Variants in LAMA4 observed in about 807,000 individuals in gnomAD.
LAMA4 encodes the protein laminin subunit alpha 4, also known as laminin subunit alpha-4.
LAMA4 carries 127 observed loss-of-function variants against 207.1 expected under a neutral mutation model. That is an observed-to-expected ratio of 0.61 (90% CI 0.53 to 0.71). The LOEUF (loss-of-function observed/expected upper bound fraction) is 0.71, where lower values mean the gene tolerates loss of function less well. LAMA4 is among the 30% of genes least tolerant of loss of function. The pLI is 0.00. For missense variants in LAMA4, 2,093 were observed against 2,246.5 expected (o/e 0.93, Z 1.38); for synonymous variants, 761 against 816.0 (o/e 0.93, Z 1.15).
chr6:112,222,174 C>T lies in LAMA4; in HGVS notation c.196-5705G>A, dbSNP rs1042726662. Among the ~76,000 whole-genome samples the T allele has an allele frequency of 4.6e-5, 7 of 152,186 alleles. No homozygotes were observed. In the East Asian group the frequency reaches 7.7e-4, roughly 17 times the overall value. On this transcript the variant is annotated intron_variant, in intron 2 of 38. Transcript: ENST00000230538. ...ACTTGAATCTGAAGACAATTACTCA[C>T]GCATCCTCCCTTGGGTATCTCTAAG...
chr6:112,223,597 T>C (rs1160116955), intron 2 of LAMA4, among the ~76,000 whole-genome samples: 1 of 152,320 alleles, frequency 6.6e-6, no homozygotes, highest in East Asian at 1.9e-4. Flanking sequence ...TGACAACAGC[T>C]TCTCTTCAGT....
At chr6:112,149,876 T>C (rs1203405373) in intron 17 of LAMA4, among the ~76,000 whole-genome samples, 6 of 152,172 alleles carry the variant, frequency 3.9e-5, no homozygotes, top group Non-Finnish European at 8.8e-5. Context: ...AAAACACCCA[T>C]ATGCTGCACT....
In LAMA4 at chr6:112,118,054, C is replaced by G. The variant is rs73541498; in HGVS notation, c.4822-156G>C. On this transcript the variant is annotated intron_variant, in intron 34 of 38. Coordinates refer to ENST00000230538, the MANE Select transcript of LAMA4 (RefSeq NM_001105206.3). This position sits in a 1 kb window ranked among gnomAD's most constrained non-coding sequence, Gnocchi z 4.6. ...TGATCAGTACTTTCCTGGATAGTTG[C>G]TTTCTAACTGGTTGTTTGAAGCTGG... is the stretch of plus-strand genomic sequence containing the variant. Among the ~76,000 whole-genome samples the G allele has an allele frequency of 0.053, 8,031 of 152,250 alleles. 691 individuals carry two copies. The highest frequency in any genetic ancestry group is 0.18 in the African/African-American group (7,556 of 41,510).
intron 5 of LAMA4, among the ~76,000 whole-genome samples, chr6:112,193,001 T>C (rs563206027): frequency 6.6e-6 from 1 of 152,354 alleles, no homozygotes; most frequent in East Asian, 1.9e-4. Context: ...GTAAGAGTAC[T>C]GTACAAGTCA....
At chr6:112,164,993 T>C (rs1469737519) in intron 13 of LAMA4, among the ~76,000 whole-genome samples, 167 bp downstream of exon 13, 1 of 152,244 alleles carries the variant, frequency 6.6e-6, no homozygotes, top group East Asian at 1.9e-4. Context: ...AGTAGTCATA[T>C]GTGGCTGGTG....
At chr6:112,130,293 A>T in intron 29 of LAMA4, 1 of 469,920 alleles carries the variant, frequency 2.1e-6, no homozygotes, top group Non-Finnish European at 3.8e-6. Context: ...AGTCATCAGC[A>T]TTATTTTTGT....
Position 112,133,392 on chromosome 6 carries a change from G to A in LAMA4, c.3653C>T (p.Thr1218Ile). 6.2e-7 allele frequency: 1 copy of A among 1,613,790 alleles called. No homozygotes were observed. The highest frequency in any genetic ancestry group is 1.1e-5 in the South Asian group (1 of 91,072). The change falls in exon 27 of 39, where the codon ACA (threonine) becomes ATA (isoleucine). Residue 1218 changes from threonine to isoleucine, a missense_variant. Transcript: ENST00000230538. ...TCCATAACCAACTCCCAGGGTTTCT[G>A]TCTGCTCCAGTAAATTGAAGTCCTT... ...QKKDFNLLEQ[T>I]ETLGVGYGCP...
chr6:112,132,797 G>A lies in LAMA4; in HGVS notation c.3790C>T (p.Arg1264Ter), dbSNP rs1424524225. Residue 1264 changes from arginine (R) to a stop codon, truncating the protein, a stop_gained, in exon 28 of 39, where the codon CGA (arginine) becomes TGA (stop). Coordinates refer to ENST00000230538, the MANE Select transcript of LAMA4 (RefSeq NM_001105206.3). LOFTEE classifies it high-confidence loss of function. ...FDGFEGGFNFRTLQPNGLLFY... is the reference protein window; with the variant it reads ...FDGFEGGFNF ...AGTAACCCATTTGGTTGTAATGTTC[G>A]GAAATTAAAACCTCCTTCAAAGCCA... 7 of 1,612,832 alleles carry A rather than the reference G, an allele frequency of 4.3e-6. No homozygotes were observed. Among genetic ancestry groups the A allele is most frequent in the East Asian group, 2.2e-5 (1 of 44,836 alleles).
chr6:112,249,513 A>G lies in LAMA4; in HGVS notation c.195+4443T>C, dbSNP rs186367168. Among the ~76,000 whole-genome samples, 369 of 149,736 alleles carry G rather than the reference A, an allele frequency of 2.5e-3. 3 individuals are homozygous for G. Among genetic ancestry groups the G allele is most frequent in the African/African-American group, 7.7e-3 (312 of 40,692 alleles). The stretch of plus-strand genomic sequence containing the variant: ...TAGAAGTATTCCTATATATATTTCT[A>G]TTTACCTAATCACCTCTTCCTAGCT... On this transcript the variant is annotated intron_variant, in intron 2 of 38. Transcript: ENST00000230538.
intron 9 of LAMA4, chr6:112,179,847 C>T: frequency 1.9e-6 from 1 of 517,722 alleles, no homozygotes; most frequent in Admixed American, 2.0e-5. Context: ...GCAATGTGGT[C>T]ATCAGTCCCT....
chr6:112,133,152 A>G, intron 27 of LAMA4, among the ~76,000 whole-genome samples, 197 bp downstream of exon 27: 1 of 152,126 alleles, frequency 6.6e-6, no homozygotes, highest in Admixed American at 6.6e-5. Context: ...CCCATGGAAA[A>G]CTGAAGCAAA....
intron 38 of LAMA4, among the ~76,000 whole-genome samples, chr6:112,112,974 G>A (rs1583622934): frequency 6.6e-6 from 1 of 152,152 alleles, no homozygotes; most frequent in Admixed American, 6.5e-5. Flanking sequence ...TAAATCTCAT[G>A]GAGAGAGGTA....
intron 9 of LAMA4, chr6:112,179,745 A>G (rs371920975): frequency 3.0e-5 from 8 of 268,628 alleles, no homozygotes; most frequent in African/African-American, 1.8e-4. Context: ...TGGTATTATA[A>G]CAAACACATG....
Position 112,187,562 on chromosome 6 carries a change from C to A in LAMA4, c.854G>T (p.Arg285Leu). The stretch of plus-strand genomic sequence containing the variant: ...TTCCTCGATGGAGAGCGCTGCTAAC[C>A]GCAGGTCATCAGTCAGGTCCCAGAC... ...KCVWDLTDDL[R>L]LAALSIEEGK... Residue 285 changes from arginine to leucine, a missense_variant, in exon 8 of 39, where the codon CGG (arginine) becomes CTG (leucine). Arg to Leu is a moderately radical substitution (Grantham distance 102). This residue lies in a region of LAMA4 where 1,704 missense variants were observed against 1,788.4 expected (regional missense o/e 0.95). Coordinates refer to ENST00000230538, the MANE Select transcript of LAMA4 (RefSeq NM_001105206.3). The A allele has an allele frequency of 6.2e-7, 1 of 1,614,046 alleles. No individual in the cohort carries two copies. Among genetic ancestry groups the A allele is most frequent in the Non-Finnish European group, 8.5e-7 (1 of 1,179,968 alleles).
intron 2 of LAMA4, among the ~76,000 whole-genome samples, chr6:112,223,934 T>C (rs936672720): frequency 6.6e-6 from 1 of 152,248 alleles, no homozygotes; most frequent in East Asian, 1.9e-4. Context: ...GGAAATCTCA[T>C]ACTGTCTTTT....
At chr6:112,214,917 G>T (rs1247532250) in intron 3 of LAMA4, among the ~76,000 whole-genome samples, 2 of 152,222 alleles carry the variant, frequency 1.3e-5, no homozygotes, top group African/African-American at 4.8e-5. Flanking sequence ...ACTCTAGCAG[G>T]AGGGACTTCT....
chr6:112,122,169 A>T lies in LAMA4; in HGVS notation c.4320T>A (p.Asp1440Glu), dbSNP rs1366384304. 1.2e-6 allele frequency: 2 copies of T among 1,613,750 alleles called. No individual in the cohort carries two copies. The highest frequency in any genetic ancestry group is 2.7e-5 in the African/African-American group (2 of 74,900). ...GCTCTGGGAGTTTCAGAGCAACAGG[A>T]TCCCATGAAGGTGCATCTTTACTTT... Reference protein sequence around the residue: ...GGKSKDAPSWDPVALKLPERN... With the variant: ...GGKSKDAPSWEPVALKLPERN... The change falls in exon 32 of 39, where the codon GAT (aspartate) becomes GAA (glutamate). Residue 1440 changes from aspartate to glutamate, a missense_variant. Transcript: ENST00000230538.
rs139059995 is a variant in LAMA4 at position 112,142,381 on chromosome 6, A to C, written c.2494-89T>G. 1.8e-4 allele frequency: 210 copies of C among 1,187,604 alleles called. No individual in the cohort carries two copies. The African/African-American group carries it at 2.9e-3, about 16-fold the overall frequency. The allele number at this position is 1,187,604 out of a possible 1,614,324, so 73.6% of individuals were successfully genotyped here. Reference sequence around the variant, plus strand: ...CTTCCCTCATTCGTGACAGGGGCCTATAAACTCTCTTCACCTCCATACCTG... The same window carrying C: ...CTTCCCTCATTCGTGACAGGGGCCTCTAAACTCTCTTCACCTCCATACCTG... On this transcript the variant is annotated intron_variant, in intron 19 of 38. Transcript: ENST00000230538.
In LAMA4 at chr6:112,109,203, A is replaced by G. The variant is rs992882163; in HGVS notation, c.*234T>C. On this transcript the variant is annotated 3_prime_UTR_variant, in exon 39 of 39. Transcript: ENST00000230538. The stretch of plus-strand genomic sequence containing the variant: ...CCAGTAGGAATTGCGTGTGCTCTCA[A>G]TACAAGTAAGTTTGCCACTCCTTCA... 1 of 561,946 alleles carries G rather than the reference A, an allele frequency of 1.8e-6. No individual in the cohort carries two copies. Among genetic ancestry groups the G allele is most frequent in the Admixed American group, 3.0e-5 (1 of 33,256 alleles). The allele number at this position is 561,946 out of a possible 1,614,324, so 34.8% of individuals were successfully genotyped here.
Sources: allele counts gnomAD v4.1 joint callset (sites outside exome capture counted in the v4.1 genomes callset), GRCh38; gene constraint gnomAD v4.1.1; regional missense constraint gnomAD v4.1.1; non-coding constraint Gnocchi (gnomAD v3.1); transcripts MANE v1.5; gene names NCBI Gene and HGNC (gene_info 2026-07-23, HGNC 2026-07-21).